ZDHHC1: variants seen among roughly 807,000 people sequenced by gnomAD.
ZDHHC1 encodes palmitoyltransferase ZDHHC1.
Under a neutral mutation model 46.9 loss-of-function variants are expected in ZDHHC1, and 45 were observed. The observed-to-expected ratio is 0.96, with a 90% CI of 0.76 to 1.23. ZDHHC1 has a LOEUF of 1.23. ZDHHC1 is among the 50% of genes most tolerant of loss of function. ZDHHC1 has a pLI of 0.00. For synonymous variants in ZDHHC1, 291 were observed against 286.0 expected (o/e 1.02, Z -0.18); for missense variants, 649 against 670.8 (o/e 0.97, Z 0.36).
chr16:67,406,164 C>T lies in ZDHHC1; in HGVS notation c.252+36G>A. 1 of 1,597,598 alleles carries T rather than the reference C, an allele frequency of 6.3e-7. No homozygotes were observed. Among genetic ancestry groups the T allele is most frequent in the Non-Finnish European group, 8.5e-7 (1 of 1,169,630 alleles). On this transcript the variant is annotated intron_variant, in intron 3 of 11. Coordinates refer to ENST00000565726, the MANE Select transcript of ZDHHC1 (RefSeq NM_001323627.2). The surrounding 1 kb of genome is among the most constrained non-coding windows in gnomAD (Gnocchi z 4.1). ...GTGCCAGCCATCCTTTGCCTCCCCA[C>T]TTCCACACACCAGCCCTACGCTTTC...
intron 1 of ZDHHC1, among the ~76,000 whole-genome samples, chr16:67,413,556 T>G (rs1270194062): frequency 6.6e-6 from 1 of 152,174 alleles, no homozygotes; most frequent in African/African-American, 2.4e-5. Flanking sequence ...AAAATTAAAC[T>G]GGAACTTCAA....
intron 4 of ZDHHC1, among the ~76,000 whole-genome samples, chr16:67,400,330 G>A (rs2040526829): frequency 6.6e-6 from 1 of 152,168 alleles, no homozygotes; most frequent in Non-Finnish European, 1.5e-5. Flanking sequence ...GGTGGAGAGG[G>A]GCCCCTAGAG....
chr16:67,394,777 C>A lies in ZDHHC1; in HGVS notation c.1282G>T (p.Glu428Ter). 1 of 1,531,422 alleles carries A rather than the reference C, an allele frequency of 6.5e-7. No individual in the cohort carries two copies. Among genetic ancestry groups the A allele is most frequent in the South Asian group, 1.2e-5 (1 of 83,652 alleles). The allele number at this position is 1,531,422 out of a possible 1,614,324, so 94.9% of individuals were successfully genotyped here. The change falls in exon 12 of 12, where the codon GAG becomes TAG. Residue 428 changes from glutamate (E) to a stop codon, truncating the protein, a stop_gained. Coordinates refer to ENST00000565726, the MANE Select transcript of ZDHHC1 (RefSeq NM_001323627.2). LOFTEE classifies it low-confidence loss of function (END_TRUNC). The stretch of plus-strand genomic sequence containing the variant: ...AGGCGCGTCTGCGCCACTGGAATCT[C>A]GTCCACGGACTCTGCCGACGCCGAG... ...YHSASAESVD[E>*]IPVAQTRLGS...
In ZDHHC1 at chr16:67,394,979, C is replaced by A. The variant is rs193012253; in HGVS notation, c.1165+23G>T. 3.8e-4 allele frequency: 606 copies of A among 1,599,650 alleles called. 1 individual carries two copies. The African/African-American group carries it at 7.4e-3, about 20-fold the overall frequency. On this transcript the variant is annotated intron_variant, in intron 11 of 11. Transcript: ENST00000565726. ...CCTCCCTCGAGTTCCCAGAGCAGGA[C>A]CCGGACAGGGAGAGGCGCTCACCCG... is the stretch of plus-strand genomic sequence containing the variant.
rs1464447664 is a variant in ZDHHC1 at position 67,395,470 on chromosome 16, C to T, written c.1010+14G>A. ...CTGGAGATGCCCAGTGGCACATGCC[C>T]AGGTTGCACTCACTTGGCATTCACT... On this transcript the variant is annotated intron_variant, in intron 9 of 11. Coordinates refer to ENST00000565726, the MANE Select transcript of ZDHHC1 (RefSeq NM_001323627.2). The T allele has an allele frequency of 1.3e-6, 2 of 1,551,742 alleles. No homozygotes were observed. Among genetic ancestry groups the T allele is most frequent in the South Asian group, 1.2e-5 (1 of 84,102 alleles).
chr16:67,399,015 T>C, intron 5 of ZDHHC1, 71 bp from the exon 6 acceptor site: 2 of 1,561,780 alleles, frequency 1.3e-6, no homozygotes, highest in Non-Finnish European at 1.7e-6. Context: ...GAGTTGGGGC[T>C]GTAGGGTCAT....
intron 1 of ZDHHC1, 32 bp from the exon 2 acceptor site, chr16:67,407,845 T>C (rs1265427243): frequency 3.9e-6 from 3 of 768,372 alleles, no homozygotes; most frequent in Admixed American, 1.7e-5. Flanking sequence ...GCACAGTAAA[T>C]GGTGTGGAAT....
rs199785568 is a variant in ZDHHC1, at chr16:67,395,257, C to T, written c.1034G>A (p.Arg345His). 8.5e-4 allele frequency: 1,348 copies of T among 1,578,052 alleles called. 1 individual carries two copies. The highest frequency in any genetic ancestry group is 1.1e-3 in the Non-Finnish European group (1,228 of 1,161,216). The stretch of plus-strand genomic sequence containing the variant: ...GGGTGGTGGAGGTTCCGCTTGGCCA[C>T]GGGTGGCAAGAAACTGGGAGGGACT... ...NANPSQFLAT[R>H]GQAEPPPPSS... The change falls in exon 10 of 12, where the codon CGT (arginine) becomes CAT (histidine). Residue 345 changes from arginine (R) to histidine (H), a missense_variant. Transcript: ENST00000565726.
In ZDHHC1 at chr16:67,394,861, A is replaced by G. The variant is rs751971301; in HGVS notation, c.1198T>C (p.Ser400Pro). The change falls in exon 12 of 12, where the codon TCG becomes CCG. Residue 400 changes from serine (S) to proline (P), a missense_variant. By Grantham distance (74) the Ser-to-Pro change is moderately conservative (BLOSUM62 -1). Coordinates refer to ENST00000565726, the MANE Select transcript of ZDHHC1 (RefSeq NM_001323627.2). ...PRAPSRRSSSSTDSADASPVH... is the reference protein window; with the variant it reads ...PRAPSRRSSSPTDSADASPVH... ...GGGCTGGCGTCCGCGGAATCCGTCGACGAGCTGGAGCGGCGGCTGGGGGCC... is the reference window on the plus strand; with the variant it reads ...GGGCTGGCGTCCGCGGAATCCGTCGGCGAGCTGGAGCGGCGGCTGGGGGCC... 15 of 1,566,642 alleles carry G rather than the reference A, an allele frequency of 9.6e-6. No individual in the cohort carries two copies. Among genetic ancestry groups the G allele is most frequent in the Admixed American group, 1.9e-5 (1 of 53,892 alleles).
chr16:67,399,275 G>A, intron 5 of ZDHHC1, 80 bp downstream of exon 5: 2 of 1,314,870 alleles, frequency 1.5e-6, no homozygotes, highest in African/African-American at 1.5e-5. Context: ...CCGCCCGCCT[G>A]CCATGCGAGC....
At position 67,416,373 on chromosome 16, in the gene ZDHHC1, G is replaced by A. The variant is rs1250750797; in HGVS notation, c.-241C>T. ...CTGGGCCGGTGAGTCCTCGAGCTCT[G>A]GCTCTGGCTCCGGCTCCGGCTCCGG... is the stretch of plus-strand genomic sequence containing the variant. On this transcript the variant is annotated 5_prime_UTR_variant, in exon 1 of 12. Coordinates refer to ENST00000565726, the MANE Select transcript of ZDHHC1 (RefSeq NM_001323627.2). 4.9e-6 allele frequency: 1 copy of A among 203,250 alleles called. No individual in the cohort carries two copies. The highest frequency in any genetic ancestry group is 6.1e-5 in the Admixed American group (1 of 16,280). The allele number at this position is 203,250 out of a possible 1,614,324, so 12.6% of individuals were successfully genotyped here.
chr16:67,394,521 C>G lies in ZDHHC1; in HGVS notation c.*89G>C. ...CCGATCCCGCCGGCCGTAGGGGCCC[C>G]TAAAGTGCACTCGGTGCGGCAAGGA... On this transcript the variant is annotated 3_prime_UTR_variant, in exon 12 of 12. Coordinates refer to ENST00000565726, the MANE Select transcript of ZDHHC1 (RefSeq NM_001323627.2). The G allele has an allele frequency of 9.0e-7, 1 of 1,105,112 alleles. No individual in the cohort carries two copies. Among genetic ancestry groups the G allele is most frequent in the Non-Finnish European group, 1.1e-6 (1 of 904,310 alleles). 68.5% of individuals were successfully genotyped at this position (1,105,112 alleles called of 1,614,324 possible). A position where few individuals can be genotyped will look rare whatever the true frequency, so the allele number is the denominator to read the frequency against.
chr16:67,400,009 G>A (rs2040519090), intron 4 of ZDHHC1, among the ~76,000 whole-genome samples: 1 of 152,232 alleles, frequency 6.6e-6, no homozygotes, highest in African/African-American at 2.4e-5. Context: ...GCTCACCACA[G>A]GGGCTCAGGG....
At chr16:67,402,326 G>C (rs957215567) in intron 3 of ZDHHC1, among the ~76,000 whole-genome samples, 3 of 152,028 alleles carry the variant, frequency 2.0e-5, no homozygotes, top group Non-Finnish European at 4.4e-5. Flanking sequence ...CCCTACAGTG[G>C]GTCTCAACAG....
chr16:67,409,884 C>T (rs538347012), intron 1 of ZDHHC1, among the ~76,000 whole-genome samples: 4 of 151,662 alleles, frequency 2.6e-5, no homozygotes, highest in Admixed American at 2.0e-4. Context: ...GGGACCTGGA[C>T]GGACACGAAC....
At chr16:67,407,723 T>C (rs1042148262) in intron 2 of ZDHHC1, 44 bp downstream of exon 2, 9 of 780,938 alleles carry the variant, frequency 1.2e-5, no homozygotes, top group Non-Finnish European at 1.9e-5. Context: ...GGTTTATTCA[T>C]CTCTGTCCCC....
chr16:67,394,758 G>T lies in ZDHHC1; in HGVS notation c.1301C>A (p.Thr434Lys). 6.6e-7 allele frequency: 1 copy of T among 1,523,624 alleles called. No individual in the cohort carries two copies. Among genetic ancestry groups the T allele is most frequent in the Non-Finnish European group, 8.8e-7 (1 of 1,142,030 alleles). The allele number at this position is 1,523,624 out of a possible 1,614,324, so 94.4% of individuals were successfully genotyped here. A position where few individuals can be genotyped will look rare whatever the true frequency, so the allele number is the denominator to read the frequency against. The stretch of plus-strand genomic sequence containing the variant: ...GGCCAGAGCGGCGCTGCCCAGGCGC[G>T]TCTGCGCCACTGGAATCTCGTCCAC... ...ESVDEIPVAQ[T>K]RLGSAALAAP... is the part of the protein sequence containing the mutation. The change falls in exon 12 of 12, where the codon ACG (threonine) becomes AAG (lysine). Residue 434 changes from threonine to lysine, a missense_variant. By Grantham distance (78) the Thr-to-Lys change is moderately conservative. Transcript: ENST00000565726.
At chr16:67,409,516 C>T (rs942632029) in intron 1 of ZDHHC1, among the ~76,000 whole-genome samples, 4 of 152,342 alleles carry the variant, frequency 2.6e-5, no homozygotes, top group East Asian at 3.9e-4. Flanking sequence ...CATGCCCAGG[C>T]CAGCCCACTC....
rs544949211 is a variant in ZDHHC1 at position 67,415,436 on chromosome 16, G to C, written c.-39+735C>G. On this transcript the variant is annotated intron_variant, in intron 1 of 11. Transcript: ENST00000565726. The stretch of plus-strand genomic sequence containing the variant: ...TTCACACCACAGCACTCCAGCCTGG[G>C]TGACAAAGGGAGACCTTGTCTCAAA... 1.7e-4 allele frequency among the ~76,000 whole-genome samples: 26 copies of C among 151,908 alleles called. 1 individual carries two copies. The East Asian group carries it at 4.6e-3, about 27-fold the overall frequency.
Sources: gnomAD v4.1 joint callset for allele counts (sites outside exome capture counted in the v4.1 genomes callset) on GRCh38, gnomAD v4.1.1 for gene constraint, Gnocchi (gnomAD v3.1) non-coding constraint, MANE v1.5 for transcripts, NCBI Gene and HGNC (gene_info 2026-07-23, HGNC 2026-07-21) for gene names.